WWOX: variants seen among roughly 807,000 people sequenced by gnomAD.
WWOX encodes the protein WW domain containing oxidoreductase.
Under a neutral mutation model 46.2 loss-of-function variants are expected in WWOX, and 69 were observed. The observed-to-expected ratio is 1.49, with a 90% CI of 1.23 to 1.82. The LOEUF (loss-of-function observed/expected upper bound fraction) is 1.82. Ranked by LOEUF, WWOX falls within the 40% of genes most tolerant of loss-of-function variation. The pLI is 0.00. For missense variants in WWOX, 919 were observed against 542.6 expected, an observed-to-expected ratio of 1.69 and a Z score of -6.89; for synonymous variants, 359 against 202.6, an observed-to-expected ratio of 1.77 and a Z score of -6.56.
intron 8 of WWOX, among the ~76,000 whole-genome samples, chr16:79,089,511 T>C (rs1379942833): frequency 6.6e-6 from 1 of 152,066 alleles, no homozygotes; most frequent in African/African-American, 2.4e-5. Context: ...TTTGTATTTT[T>C]AATACAGACA....
chr16:78,110,090 C>G (rs919332331), intron 3 of WWOX, among the ~76,000 whole-genome samples: 14 of 151,422 alleles, frequency 9.2e-5, no homozygotes, highest in African/African-American at 3.1e-4. Context: ...GCCTGTAATC[C>G]CAGCACTTTG....
intron 6 of WWOX, among the ~76,000 whole-genome samples, chr16:78,392,336 C>G (rs964408294): frequency 1.2e-4 from 18 of 152,254 alleles, no homozygotes; most frequent in African/African-American, 4.1e-4. Context: ...GCCTGATGAT[C>G]TGTCACTGCC....
At position 78,335,134 on chromosome 16, in the gene WWOX, C is replaced by G. The variant is rs1844718684; in HGVS notation, c.517-51726C>G. On this transcript the variant is annotated intron_variant, in intron 5 of 8. Transcript: ENST00000566780. ...GCCTGCAGTCTGAGGTTTATTTTTT[C>G]TAAAACTTTAAGTTCCAGGGTACAT... 2.0e-5 allele frequency among the ~76,000 whole-genome samples: 3 copies of G among 152,084 alleles called. No homozygotes were observed. The South Asian group carries it at 6.2e-4, about 32-fold the overall frequency.
intron 8 of WWOX, among the ~76,000 whole-genome samples, chr16:78,589,445 T>C (rs2045299686): frequency 6.6e-6 from 1 of 152,210 alleles, no homozygotes; most frequent in Admixed American, 6.5e-5. Context: ...CTTCTTTCAC[T>C]AGCTTTATGT....
At chr16:78,967,114 A>G (rs2046376040) in intron 8 of WWOX, among the ~76,000 whole-genome samples, 1 of 152,004 alleles carries the variant, frequency 6.6e-6, no homozygotes, top group Non-Finnish European at 1.5e-5. Context: ...TCCCTGGGTT[A>G]TCTGATATGT....
At chr16:79,007,051 A>G (rs935463702) in intron 8 of WWOX, among the ~76,000 whole-genome samples, 25 of 152,094 alleles carry the variant, frequency 1.6e-4, no homozygotes, top group African/African-American at 5.1e-4. Context: ...GGGGACCATT[A>G]TCCAGCCTTC....
At chr16:78,183,969 A>C (rs536135798) in intron 5 of WWOX, among the ~76,000 whole-genome samples, 30 of 152,178 alleles carry the variant, frequency 2.0e-4, no homozygotes, top group Non-Finnish European at 3.8e-4. Context: ...AAAAGCCTGC[A>C]CAAACACTTT....
chr16:78,345,381 G>T (rs530645151), intron 5 of WWOX, among the ~76,000 whole-genome samples: 1 of 98,538 alleles, frequency 1.0e-5, no homozygotes, highest in East Asian at 2.1e-4. Context: ...AGCACTTTGC[G>T]AGGCCAAGGT....
chr16:79,019,483 G>A (rs948951467), intron 8 of WWOX, among the ~76,000 whole-genome samples: 6 of 152,214 alleles, frequency 3.9e-5, no homozygotes, highest in African/African-American at 1.4e-4. Context: ...GTAAAAATAT[G>A]ATATTATAAT....
At position 79,167,253 on chromosome 16, in the gene WWOX, T is replaced by A. The variant is rs1344392794; in HGVS notation, c.1057-44355T>A. ...CACCATGCCCGGCCATCAGAAATAT[T>A]TTATTTCACTATTTTAAAAAATTAG... On this transcript the variant is annotated intron_variant, in intron 8 of 8. Coordinates refer to ENST00000566780, the MANE Select transcript of WWOX (RefSeq NM_016373.4). 2.6e-5 allele frequency among the ~76,000 whole-genome samples: 4 copies of A among 152,306 alleles called. No individual in the cohort carries two copies. The East Asian group carries it at 5.8e-4, about 22-fold the overall frequency.
At chr16:79,208,585 G>T (rs2051601412) in intron 8 of WWOX, among the ~76,000 whole-genome samples, 1 of 152,078 alleles carries the variant, frequency 6.6e-6, no homozygotes, top group East Asian at 1.9e-4. Context: ...GCCCCAAAAG[G>T]TGGTATGAAT....
intron 5 of WWOX, among the ~76,000 whole-genome samples, chr16:78,304,958 C>G (rs1481444538): frequency 6.8e-6 from 1 of 147,800 alleles, no homozygotes; most frequent in Non-Finnish European, 1.5e-5. Flanking sequence ...CTTTTTTTTT[C>G]TTTTCTTTCC....
At chr16:78,824,217 A>T (rs1047122989) in intron 8 of WWOX, among the ~76,000 whole-genome samples, 5 of 152,104 alleles carry the variant, frequency 3.3e-5, no homozygotes, top group African/African-American at 1.2e-4. Flanking sequence ...TAAACAGTCC[A>T]CTCCTACATG....
intron 8 of WWOX, among the ~76,000 whole-genome samples, chr16:78,443,273 C>G (rs527535879): frequency 5.3e-5 from 8 of 151,992 alleles, no homozygotes; most frequent in Admixed American, 2.0e-4. Flanking sequence ...TCACTGCACT[C>G]CAGCCTGGGT....
chr16:78,398,274 A>T (rs758617410), intron 6 of WWOX, among the ~76,000 whole-genome samples: 1 of 151,910 alleles, frequency 6.6e-6, no homozygotes, highest in African/African-American at 2.4e-5. Flanking sequence ...CCCTTCTCCC[A>T]TGTCACCTGT....
intron 8 of WWOX, among the ~76,000 whole-genome samples, chr16:78,677,801 C>T (rs1367745259): frequency 1.3e-5 from 2 of 152,170 alleles, no homozygotes; most frequent in African/African-American, 2.4e-5. Flanking sequence ...TGAGGGTGGT[C>T]AGTGACATCA....
chr16:78,871,525 A>G (rs6564614), intron 8 of WWOX, among the ~76,000 whole-genome samples: 116,845 of 151,836 alleles, frequency 0.77, 45,250 homozygotes, highest in South Asian at 0.84. Context: ...TCTCCAAGGA[A>G]GCAGTTCACG....
chr16:78,764,568 G>C (rs991984432), intron 8 of WWOX, among the ~76,000 whole-genome samples: 7 of 138,894 alleles, frequency 5.0e-5, no homozygotes, highest in East Asian at 2.1e-4. Flanking sequence ...GCCTTCATCT[G>C]TTACTCGCTC....
At chr16:79,101,240 T>C (rs185385756) in intron 8 of WWOX, 24 of 152,310 alleles carry the variant, frequency 1.6e-4, no homozygotes, top group Admixed American at 3.3e-4. Context: ...TTCAAACATA[T>C]TCGCAGCTTG....
Sources: allele counts gnomAD v4.1 joint callset (sites outside exome capture counted in the v4.1 genomes callset), GRCh38; gene constraint gnomAD v4.1.1; transcripts MANE v1.5; gene names NCBI Gene and HGNC (gene_info 2026-07-23, HGNC 2026-07-21).